ALDH16A1: variants seen among roughly 807,000 people sequenced by gnomAD.
ALDH16A1 encodes the protein aldehyde dehydrogenase family 16 member A1.
Under a neutral mutation model 96.1 loss-of-function variants are expected in ALDH16A1, and 88 were observed. The observed-to-expected ratio is 0.92, with a 90% CI of 0.77 to 1.09. The LOEUF is 1.09. Among genes scored for constraint, ALDH16A1 ranks in the 50% least tolerant of loss-of-function variants. The pLI is 0.00. For synonymous variants in ALDH16A1, 522 were observed against 496.4 expected (o/e 1.05, Z -0.69); for missense variants, 1,250 against 1,112.6 (o/e 1.12, Z -1.76).
At chr19:49,458,846 G>C in intron 2 of ALDH16A1, 114 bp from the exon 3 acceptor site, 1 of 1,429,082 alleles carries the variant, frequency 7.0e-7, no homozygotes, top group South Asian at 1.3e-5. Flanking sequence ...ACCCAGCAGA[G>C]AATGGGGACC....
At chr19:49,461,421 G>A (rs1459130166) in intron 5 of ALDH16A1, among the ~76,000 whole-genome samples, 198 bp from the exon 6 acceptor site, 44 of 140,094 alleles carry the variant, frequency 3.1e-4, no homozygotes, top group African/African-American at 1.2e-3. Context: ...GGGTCTGAGG[G>A]AGGAGGGGCT....
intron 1 of ALDH16A1, among the ~76,000 whole-genome samples, chr19:49,454,963 C>T (rs1463564405): frequency 1.3e-5 from 2 of 151,332 alleles, no homozygotes; most frequent in Non-Finnish European, 2.9e-5. Flanking sequence ...TACTAAAATA[C>T]AAAAATTACC....
intron 12 of ALDH16A1, 52 bp from the exon 13 acceptor site, chr19:49,465,686 T>C: frequency 6.4e-7 from 1 of 1,566,422 alleles, no homozygotes; most frequent in Admixed American, 1.8e-5. Flanking sequence ...GAGCATAGGG[T>C]CTGAGCAGAT....
At chr19:49,464,285 G>T (rs540098012) in intron 10 of ALDH16A1, 22 bp downstream of exon 10, 4 of 1,597,616 alleles carry the variant, frequency 2.5e-6, no homozygotes, top group East Asian at 2.2e-5. Context: ...TGGCCCGGGC[G>T]CTCACTCCTC....
rs777212426 is a variant in ALDH16A1, at chr19:49,453,330, C to T, written c.-2C>T. 2 of 1,563,210 alleles carry T rather than the reference C, an allele frequency of 1.3e-6. No homozygotes were observed. The highest frequency in any genetic ancestry group is 1.2e-5 in the South Asian group (1 of 85,766). On this transcript the variant is annotated 5_prime_UTR_variant, in exon 1 of 17. Transcript: ENST00000293350. ...CTTCGCGGAAAGCGTTCGGGGTAGG[C>T]GATGGCTGCGACGCGTGCAGGGCCC...
In ALDH16A1 at chr19:49,465,869, G is replaced by T. The variant is rs530812077; in HGVS notation, c.1700G>T (p.Arg567Leu). The T allele has an allele frequency of 6.2e-7, 1 of 1,613,962 alleles. No individual in the cohort carries two copies. Among genetic ancestry groups the T allele is most frequent in the Non-Finnish European group, 8.5e-7 (1 of 1,179,992 alleles). ...GCTGAGGGTGGAGCCAAGGACATCCGAGGTGCTGTGGAGGCCGCTCACCAG... is the reference window on the plus strand; with the variant it reads ...GCTGAGGGTGGAGCCAAGGACATCCTAGGTGCTGTGGAGGCCGCTCACCAG... ...YVAEGGAKDIRGAVEAAHQAF... is the reference protein window; with the variant it reads ...YVAEGGAKDILGAVEAAHQAF... Residue 567 changes from arginine (R) to leucine (L), a missense_variant, in exon 13 of 17, where the codon CGA becomes CTA. Transcript: ENST00000293350.
Position 49,468,663 on chromosome 19 carries a change from C to A in ALDH16A1, c.2124+97C>A. 1 of 1,472,392 alleles carries A rather than the reference C, an allele frequency of 6.8e-7. No individual in the cohort carries two copies. The highest frequency in any genetic ancestry group is 9.2e-7 in the Non-Finnish European group (1 of 1,090,216). 91.2% of individuals were successfully genotyped at this position (1,472,392 alleles called of 1,614,324 possible). A position where few individuals can be genotyped will look rare whatever the true frequency, so the allele number is the denominator to read the frequency against. ...GCAGGAGCTTGTCTCTTACCCCACC[C>A]TCCGTGGTACCCATGCTGCCCCCAG... On this transcript the variant is annotated intron_variant, in intron 15 of 16. Coordinates refer to ENST00000293350, the MANE Select transcript of ALDH16A1 (RefSeq NM_153329.4). The surrounding 1 kb of genome is among the most constrained non-coding windows in gnomAD (Gnocchi z 4.4).
chr19:49,468,766 A>T lies in ALDH16A1; in HGVS notation c.2125-98A>T. On this transcript the variant is annotated intron_variant, in intron 15 of 16. Transcript: ENST00000293350. This position sits in a 1 kb window ranked among gnomAD's most constrained non-coding sequence, Gnocchi z 4.4. ...TAGGCCTGGGGCTTTCTCCTCCATG[A>T]CCCCCCATCCCCTTCCCTCCCATGG... 4 of 1,429,540 alleles carry T rather than the reference A, an allele frequency of 2.8e-6. No individual in the cohort carries two copies. Among genetic ancestry groups the T allele is most frequent in the Middle Eastern group, 2.6e-4 (1 of 3,906 alleles). 88.6% of individuals were successfully genotyped at this position (1,429,540 alleles called of 1,614,324 possible).
intron 1 of ALDH16A1, among the ~76,000 whole-genome samples, chr19:49,454,886 A>T (rs1326961404): frequency 1.3e-5 from 2 of 152,144 alleles, no homozygotes; most frequent in Non-Finnish European, 2.9e-5. Flanking sequence ...TGGGAGTCCT[A>T]GGTGGGCGGA....
intron 4 of ALDH16A1, 109 bp from the exon 5 acceptor site, chr19:49,460,713 C>CG (rs2079134419): frequency 4.1e-5 from 31 of 752,234 alleles, no homozygotes; most frequent in Admixed American, 4.9e-5. Flanking sequence ...CACACCCGGC[C>CG]ATTTTTTTTT....
Position 49,461,687 on chromosome 19 carries a change from G to A in ALDH16A1, c.646G>A (p.Glu216Lys). Reference protein sequence around the residue: ...APLLLAQLAGELGPFPGILNV... With the variant: ...APLLLAQLAGKLGPFPGILNV... ...CCTCCTCCTGGCCCAGCTGGCGGGG[G>A]AGCTGGGCCCCTTCCCGGGAATCCT... The change falls in exon 6 of 17, where the codon GAG (glutamate) becomes AAG (lysine). Residue 216 changes from glutamate (E) to lysine (K), a missense_variant. Coordinates refer to ENST00000293350, the MANE Select transcript of ALDH16A1 (RefSeq NM_153329.4). 3 of 1,608,130 alleles carry A rather than the reference G, an allele frequency of 1.9e-6. No individual in the cohort carries two copies. Among genetic ancestry groups the A allele is most frequent in the South Asian group, 1.1e-5 (1 of 90,328 alleles).
Position 49,461,962 on chromosome 19 carries a change from C to A in ALDH16A1, c.838C>A (p.Leu280Met). 6.4e-7 allele frequency: 1 copy of A among 1,565,260 alleles called. No homozygotes were observed. The highest frequency in any genetic ancestry group is 8.6e-7 in the Non-Finnish European group (1 of 1,157,970). The change falls in exon 7 of 17, where the codon CTG (leucine) becomes ATG (methionine). Residue 280 changes from leucine to methionine, a missense_variant. Leu to Met is a conservative substitution (Grantham distance 15). Transcript: ENST00000293350. Reference protein sequence around the residue: ...GLALGTESLLLLTDTADVDSA... With the variant: ...GLALGTESLLMLTDTADVDSA... ...GGCGCTGGGGACGGAGTCGCTGCTG[C>A]TGCTGACGGACACGGCGGACGTAGA...
intron 14 of ALDH16A1, among the ~76,000 whole-genome samples, 180 bp downstream of exon 14, chr19:49,466,463 A>G (rs2946859): frequency 0.083 from 12,692 of 152,202 alleles, 1,390 homozygotes; most frequent in African/African-American, 0.24. Context: ...GTGAGTGGGC[A>G]CACAACCCGC....
intron 12 of ALDH16A1, 69 bp downstream of exon 12, chr19:49,464,831 T>C (rs2079185230): frequency 1.2e-6 from 2 of 1,601,982 alleles, no homozygotes; most frequent in African/African-American, 2.7e-5. Context: ...TGTTTCCCCG[T>C]GGACTGGAGG....
At chr19:49,457,087 G>A (rs1199776564) in intron 1 of ALDH16A1, among the ~76,000 whole-genome samples, 1 of 150,788 alleles carries the variant, frequency 6.6e-6, no homozygotes, top group Non-Finnish European at 1.5e-5. Context: ...CAGCCTGGGA[G>A]ACAAGAGCAA....
chr19:49,467,373 G>A (rs2079207269), intron 14 of ALDH16A1, among the ~76,000 whole-genome samples: 1 of 150,592 alleles, frequency 6.6e-6, no homozygotes, highest in South Asian at 2.1e-4. Flanking sequence ...CTATATCATG[G>A]GCCAAACCAT....
intron 12 of ALDH16A1, 78 bp from the exon 13 acceptor site, chr19:49,465,660 T>G: frequency 6.7e-7 from 1 of 1,486,208 alleles, no homozygotes; most frequent in Non-Finnish European, 9.1e-7. Flanking sequence ...GCCAAGGCAG[T>G]CTTCCCAGTG....
chr19:49,454,671 G>A (rs533241211), intron 1 of ALDH16A1, among the ~76,000 whole-genome samples: 22 of 152,320 alleles, frequency 1.4e-4, no homozygotes, highest in African/African-American at 4.3e-4. Context: ...TTGAGGGGGA[G>A]GGCAGGAGGC....
In ALDH16A1 at chr19:49,468,360, G is replaced by A. The variant is rs371690473; in HGVS notation, c.1939-21G>A. The A allele has an allele frequency of 4.4e-5, 70 of 1,595,446 alleles. No homozygotes were observed. The highest frequency in any genetic ancestry group is 5.6e-5 in the Non-Finnish European group (66 of 1,178,056). ...CGGGCGGGGCTCCCCTGCCCCACAC[G>A]TGACCCACCTGTCCCTGCAGGTAGC... On this transcript the variant is annotated intron_variant, in intron 14 of 16. Coordinates refer to ENST00000293350, the MANE Select transcript of ALDH16A1 (RefSeq NM_153329.4). This position sits in a 1 kb window ranked among gnomAD's most constrained non-coding sequence, Gnocchi z 4.4.
Sources: gnomAD v4.1 joint callset for allele counts (sites outside exome capture counted in the v4.1 genomes callset) on GRCh38, gnomAD v4.1.1 for gene constraint, Gnocchi (gnomAD v3.1) non-coding constraint, MANE v1.5 for transcripts, NCBI Gene and HGNC (gene_info 2026-07-23, HGNC 2026-07-21) for gene names.